The following RSU1 variants were observed in gnomAD, a reference collection of about 807,000 sequenced individuals.
The protein encoded by RSU1 is rsu-1.
Under a neutral mutation model 31.1 loss-of-function variants are expected in RSU1, and 26 were observed. The ratio of observed to expected loss-of-function variants is 0.84; its 90% CI spans 0.61 to 1.16. The LOEUF (loss-of-function observed/expected upper bound fraction) is 1.16. RSU1 is among the 50% of genes most tolerant of loss of function. The pLI is 0.00. For synonymous variants in RSU1, 164 were observed against 136.3 expected (o/e 1.20, Z -1.41); for missense variants, 320 against 339.1 (o/e 0.94, Z 0.44).
intron 2 of RSU1, among the ~76,000 whole-genome samples, chr10:16,798,782 G>A (rs1323280602): frequency 6.6e-6 from 1 of 152,136 alleles, no homozygotes; most frequent in Non-Finnish European, 1.5e-5. Flanking sequence ...TCATACTCCA[G>A]TAAAATTACA....
At chr10:16,726,666 G>A (rs1442404365) in intron 7 of RSU1, among the ~76,000 whole-genome samples, 3 of 152,028 alleles carry the variant, frequency 2.0e-5, no homozygotes, top group Admixed American at 2.0e-4. Flanking sequence ...TGTTTCAGTT[G>A]GTTGAAAACA....
chr10:16,727,398 T>C (rs1048067680), intron 7 of RSU1, among the ~76,000 whole-genome samples: 2 of 152,110 alleles, frequency 1.3e-5, no homozygotes, highest in African/African-American at 4.8e-5. Flanking sequence ...TGAAGGCCAA[T>C]TAAAGTTCAA....
Position 16,760,561 on chromosome 10 carries a change from C to A in RSU1, c.281+3829G>T, listed in dbSNP as rs147072975. On this transcript the variant is annotated intron_variant, in intron 4 of 8. Transcript: ENST00000345264. ...AAGTGTACGACTCTGTCCTCTGCTG[C>A]CTCAAACCAAAATGTTATTAGGAAA... is the stretch of plus-strand genomic sequence containing the variant. Among the ~76,000 whole-genome samples the A allele has an allele frequency of 3.0e-3, 450 of 151,102 alleles. 5 individuals are homozygous for A. The highest frequency in any genetic ancestry group is 0.011 in the African/African-American group (436 of 41,238).
At chr10:16,645,869 TAC>T (rs1344773573) in intron 8 of RSU1, among the ~76,000 whole-genome samples, 24 of 122,236 alleles carry the variant, frequency 2.0e-4, no homozygotes, top group African/African-American at 8.1e-4. Flanking sequence ...TACGTATATA[TAC>T]ATATATGTGT....
intron 8 of RSU1, among the ~76,000 whole-genome samples, chr10:16,637,193 A>G (rs1445847534): frequency 2.4e-4 from 36 of 152,242 alleles, no homozygotes; most frequent in Admixed American, 2.4e-3. Context: ...AAGAAATTCA[A>G]TCTTGCCCCC....
intron 8 of RSU1, among the ~76,000 whole-genome samples, chr10:16,649,811 C>T (rs1226441641): frequency 1.3e-5 from 2 of 152,090 alleles, no homozygotes; most frequent in African/African-American, 2.4e-5. Flanking sequence ...TCATAAGAGA[C>T]ATAAGGAGAT....
intron 7 of RSU1, among the ~76,000 whole-genome samples, chr10:16,696,925 T>TATTTCCTC (rs1233866611): frequency 5.9e-5 from 9 of 152,216 alleles, no homozygotes; most frequent in African/African-American, 2.2e-4. Context: ...CTATAATTCT[T>TATTTCCTC]ATTTCCTCTT....
intron 8 of RSU1, among the ~76,000 whole-genome samples, chr10:16,619,299 C>A (rs147671768): frequency 2.0e-5 from 3 of 152,332 alleles, no homozygotes; most frequent in Non-Finnish European, 4.4e-5. Flanking sequence ...CATGTTTTCA[C>A]CTCACAGTCT....
At chr10:16,602,294 C>T (rs1007863108) in intron 8 of RSU1, among the ~76,000 whole-genome samples, 6 of 152,150 alleles carry the variant, frequency 3.9e-5, no homozygotes, top group African/African-American at 7.2e-5. Flanking sequence ...AGCAGAGTGC[C>T]GTGATCACAG....
intron 7 of RSU1, among the ~76,000 whole-genome samples, chr10:16,723,875 A>T (rs759040791): frequency 6.6e-6 from 1 of 152,330 alleles, no homozygotes; most frequent in Admixed American, 6.5e-5. Context: ...CATGTTAGTA[A>T]TCCTCACATT....
In RSU1 at chr10:16,702,049, A is replaced by G. The variant is rs537939697; in HGVS notation, c.599-6894T>C. Among the ~76,000 whole-genome samples the G allele has an allele frequency of 2.5e-4, 38 of 152,352 alleles. No homozygotes were observed. In the South Asian group the frequency reaches 3.9e-3, roughly 16 times the overall value. On this transcript the variant is annotated intron_variant, in intron 7 of 8. Transcript: ENST00000345264. ...CAGATTTCCTTTTTATTGCTCAGGT[A>G]ATGTTAGGACATAATGGACAAAACT...
In RSU1 at chr10:16,593,360, G is replaced by A; in HGVS notation, c.*34C>T. The A allele has an allele frequency of 6.2e-7, 1 of 1,613,876 alleles. No individual in the cohort carries two copies. The highest frequency in any genetic ancestry group is 8.5e-7 in the Non-Finnish European group (1 of 1,179,884). On this transcript the variant is annotated 3_prime_UTR_variant, in exon 9 of 9. Transcript: ENST00000345264. ...AGAGAATGAAGTGTTGGAGAGAGAA[G>A]GTGCTGGAAGGCCAGCCGATGCCAA...
intron 7 of RSU1, among the ~76,000 whole-genome samples, chr10:16,713,949 A>G (rs73604878): frequency 0.012 from 1,853 of 152,196 alleles, 36 homozygotes; most frequent in African/African-American, 0.043. Context: ...TTCAGCTGCA[A>G]TCTTCATCAG....
At chr10:16,672,638 TTA>T (rs1315680493) in intron 8 of RSU1, among the ~76,000 whole-genome samples, 1 of 151,726 alleles carries the variant, frequency 6.6e-6, no homozygotes, top group Non-Finnish European at 1.5e-5. Context: ...AGAGTACACA[TTA>T]TATGTCTATA....
intron 8 of RSU1, among the ~76,000 whole-genome samples, chr10:16,615,900 T>TA (rs1384955951): frequency 6.6e-6 from 1 of 152,130 alleles, no homozygotes; most frequent in Non-Finnish European, 1.5e-5. Context: ...TTTATAGCAC[T>TA]AAATGCCCAC....
In RSU1 at chr10:16,674,307, G is replaced by C. The variant is rs140408067; in HGVS notation, c.731+20716C>G. On this transcript the variant is annotated intron_variant, in intron 8 of 8. Coordinates refer to ENST00000345264, the MANE Select transcript of RSU1 (RefSeq NM_012425.4). ...GAAACATCAGAGCAACATTTATGGT[G>C]ATGGAAGTGGCAGTAATAATATGAA... Among the ~76,000 whole-genome samples, 3 of 152,110 alleles carry C rather than the reference G, an allele frequency of 2.0e-5. No individual in the cohort carries two copies. In the East Asian group the frequency reaches 5.8e-4, roughly 29 times the overall value.
chr10:16,707,306 G>A (rs899736441), intron 7 of RSU1, among the ~76,000 whole-genome samples: 3 of 152,088 alleles, frequency 2.0e-5, no homozygotes, highest in Non-Finnish European at 4.4e-5. Context: ...ATTTTTTGAA[G>A]GATCTCCATA....
chr10:16,724,155 C>A (rs999791789), intron 7 of RSU1, among the ~76,000 whole-genome samples: 3 of 152,056 alleles, frequency 2.0e-5, no homozygotes, highest in African/African-American at 7.2e-5. Context: ...GTTGGCCAGG[C>A]TGGTCTCGAA....
At chr10:16,784,850 G>C (rs1837737467) in intron 2 of RSU1, among the ~76,000 whole-genome samples, 1 of 152,154 alleles carries the variant, frequency 6.6e-6, no homozygotes, top group Non-Finnish European at 1.5e-5. Context: ...GGAATTATGG[G>C]AGCTATAATT....
Sources: gnomAD v4.1 joint callset for allele counts (sites outside exome capture counted in the v4.1 genomes callset) on GRCh38, gnomAD v4.1.1 for gene constraint, MANE v1.5 for transcripts, NCBI Gene and HGNC (gene_info 2026-07-23, HGNC 2026-07-21) for gene names.